CCDC192: variants seen among roughly 807,000 people sequenced by gnomAD.
CCDC192 encodes the protein coiled-coil domain-containing protein 192.
chr5:127,809,299 A>C (rs1443284555), intron 5 of CCDC192, among the ~76,000 whole-genome samples: 1 of 150,618 alleles, frequency 6.6e-6, no homozygotes, highest in Non-Finnish European at 1.5e-5. Flanking sequence ...AATAAAATAG[A>C]AATATCAGGA....
In CCDC192 at chr5:127,787,277, C is replaced by T. The variant is rs559908631; in HGVS notation, c.223-9826C>T. On this transcript the variant is annotated intron_variant, in intron 3 of 6. Transcript: ENST00000514853. Reference sequence around the variant, plus strand: ...CCAGGCCTAGACCTTGGCAAAACCCCCATCCCACCAATGTCTGGCTGCATC... The same window carrying T: ...CCAGGCCTAGACCTTGGCAAAACCCTCATCCCACCAATGTCTGGCTGCATC... Among the ~76,000 whole-genome samples the T allele has an allele frequency of 1.8e-4, 28 of 152,296 alleles. No individual in the cohort carries two copies. The South Asian group carries it at 5.0e-3, about 27-fold the overall frequency.
intron 2 of CCDC192, among the ~76,000 whole-genome samples, chr5:127,742,012 C>A (rs978738945): frequency 6.6e-6 from 1 of 152,146 alleles, no homozygotes; most frequent in Non-Finnish European, 1.5e-5. Flanking sequence ...AACCTAATCC[C>A]AAGATTTCTG....
intron 5 of CCDC192, among the ~76,000 whole-genome samples, chr5:127,831,671 T>C (rs944436972): frequency 6.6e-6 from 1 of 152,136 alleles, no homozygotes; most frequent in African/African-American, 2.4e-5. Context: ...TCTCTAATGA[T>C]AGAAATTCAA....
chr5:127,784,613 G>T (rs776922427), intron 3 of CCDC192: 11 of 632,158 alleles, frequency 1.7e-5, no homozygotes, highest in Non-Finnish European at 3.2e-5. Context: ...TTCCTGGAGG[G>T]TTAAGCCAAG....
At chr5:127,818,929 C>T (rs984072748) in intron 5 of CCDC192, among the ~76,000 whole-genome samples, 3 of 152,176 alleles carry the variant, frequency 2.0e-5, no homozygotes, top group African/African-American at 7.2e-5. Flanking sequence ...CAGGTCATGA[C>T]ATCTTCTTGC....
intron 5 of CCDC192, among the ~76,000 whole-genome samples, chr5:127,866,475 T>A (rs906436980): frequency 1.4e-5 from 2 of 147,772 alleles, no homozygotes; most frequent in African/African-American, 5.0e-5. Flanking sequence ...TCCAGACACA[T>A]ACTAGATGAA....
In CCDC192 at chr5:127,852,111, G is replaced by A. The variant is rs150905085; in HGVS notation, c.412-23427G>A. On this transcript the variant is annotated intron_variant, in intron 5 of 6. Coordinates refer to ENST00000514853, the MANE Select transcript of CCDC192 (RefSeq NM_001317938.2). ...ATTTTGTGCTCAAAATGTTTTCCAC[G>A]ATACCAACCCCAGAGAGCAAACACT... Among the ~76,000 whole-genome samples, 4 of 152,082 alleles carry A rather than the reference G, an allele frequency of 2.6e-5. No homozygotes were observed. The East Asian group carries it at 5.8e-4, about 22-fold the overall frequency.
At chr5:127,829,078 A>C (rs1478056069) in intron 5 of CCDC192, among the ~76,000 whole-genome samples, 1 of 152,058 alleles carries the variant, frequency 6.6e-6, no homozygotes, top group Non-Finnish European at 1.5e-5. Flanking sequence ...GAGAGATGGG[A>C]GATGTCTAGA....
intron 6 of CCDC192, among the ~76,000 whole-genome samples, chr5:127,934,201 C>T (rs912317249): frequency 6.6e-6 from 1 of 152,160 alleles, no homozygotes; most frequent in Non-Finnish European, 1.5e-5. Flanking sequence ...CCTTCTAAGT[C>T]ACTTACTAAA....
chr5:127,719,829 A>G (rs1279483570), intron 2 of CCDC192, among the ~76,000 whole-genome samples: 7 of 94,402 alleles, frequency 7.4e-5, no homozygotes, highest in East Asian at 4.5e-4. Flanking sequence ...GATCAGAGGA[A>G]GGGGCGGGGG....
rs73783988 is a variant in CCDC192 at position 127,832,609 on chromosome 5, G to A, written c.411+34447G>A. Among the ~76,000 whole-genome samples, 882 of 152,078 alleles carry A rather than the reference G, an allele frequency of 5.8e-3. 6 individuals are homozygous for A. Among genetic ancestry groups the A allele is most frequent in the African/African-American group, 0.02 (824 of 41,492 alleles). On this transcript the variant is annotated intron_variant, in intron 5 of 6. Transcript: ENST00000514853. ...TTCAGAATAGTGATTGCCTCTGGGG[G>A]GAATAAAAGGGAAAACAGAACTGGG...
intron 6 of CCDC192, among the ~76,000 whole-genome samples, chr5:127,883,257 A>T (rs1278401709): frequency 2.6e-5 from 4 of 152,200 alleles, no homozygotes; most frequent in African/African-American, 9.6e-5. Context: ...TGCAGGAAGG[A>T]ATTTACTTTT....
intron 5 of CCDC192, among the ~76,000 whole-genome samples, chr5:127,832,863 T>A (rs562637077): frequency 5.9e-5 from 9 of 152,286 alleles, no homozygotes; most frequent in African/African-American, 1.9e-4. Context: ...GCAAGTCCTG[T>A]CTACTGTGGG....
intron 3 of CCDC192, among the ~76,000 whole-genome samples, chr5:127,790,882 G>T (rs1432733526): frequency 6.6e-6 from 1 of 152,138 alleles, no homozygotes; most frequent in Non-Finnish European, 1.5e-5. Flanking sequence ...AATAAAAACT[G>T]CTTGTTTTTA....
chr5:127,724,861 A>AG lies in CCDC192; in HGVS notation c.114+17101_114+17102insG, dbSNP rs1283377725. 7.9e-5 allele frequency among the ~76,000 whole-genome samples: 12 copies of AG among 151,630 alleles called. No individual in the cohort carries two copies. The East Asian group carries it at 2.1e-3, about 27-fold the overall frequency. On this transcript the variant is annotated intron_variant, in intron 2 of 6. Transcript: ENST00000514853. ...AGACTCCGTCTCAAAAAAAAAAAAA[A>AG]AAGAAGAAAAGAAACGTCTAGTTTC...
chr5:127,904,258 T>G (rs369284074), intron 6 of CCDC192, among the ~76,000 whole-genome samples: 5 of 152,206 alleles, frequency 3.3e-5, no homozygotes, highest in African/African-American at 9.6e-5. Flanking sequence ...AGCCTTACTG[T>G]AACCTTGATT....
intron 2 of CCDC192, among the ~76,000 whole-genome samples, chr5:127,746,885 A>G (rs1024353331): frequency 5.3e-5 from 8 of 152,138 alleles, no homozygotes; most frequent in African/African-American, 1.4e-4. Context: ...GGTTCAATGT[A>G]TAGTATGAAC....
intron 6 of CCDC192, among the ~76,000 whole-genome samples, chr5:127,918,183 C>T (rs1482654254): frequency 7.0e-6 from 1 of 143,760 alleles, no homozygotes; most frequent in Non-Finnish European, 1.5e-5. Flanking sequence ...GGTATACTTA[C>T]CCAATGCAGG....
chr5:127,817,122 G>A (rs1373889148), intron 5 of CCDC192, among the ~76,000 whole-genome samples: 2 of 152,164 alleles, frequency 1.3e-5, no homozygotes, highest in African/African-American at 2.4e-5. Context: ...ATTACCGGGT[G>A]CAATGTCACA....
Sources: allele counts gnomAD v4.1 joint callset (sites outside exome capture counted in the v4.1 genomes callset), GRCh38; gene constraint gnomAD v4.1.1; transcripts MANE v1.5; gene names NCBI Gene and HGNC (gene_info 2026-07-23, HGNC 2026-07-21).